NCKAP5: variants seen among roughly 807,000 people sequenced by gnomAD.
NCKAP5 encodes the protein NCK associated protein 5, also known as nck-associated protein 5.
In NCKAP5, 92 loss-of-function variants were observed where a neutral mutation model predicts 167.0. That is an observed-to-expected ratio of 0.55 (90% CI 0.47 to 0.66). The LOEUF is 0.66. Among genes scored for constraint, NCKAP5 ranks in the 30% least tolerant of loss-of-function variants. The pLI, the probability that NCKAP5 is intolerant of heterozygous loss-of-function variation, is 0.00. For synonymous variants in NCKAP5, 891 were observed against 877.4 expected (o/e 1.02, Z -0.27); for missense variants, 2,378 against 2,315.0 (o/e 1.03, Z -0.56).
At chr2:133,546,392 C>T (rs1686679205) in intron 2 of NCKAP5, among the ~76,000 whole-genome samples, 1 of 152,214 alleles carries the variant, frequency 6.6e-6, no homozygotes, top group Non-Finnish European at 1.5e-5. Flanking sequence ...TCCACAATGA[C>T]TGCCTCTGTG....
chr2:133,385,509 T>A lies in NCKAP5; in HGVS notation c.70-82399A>T, dbSNP rs57249109. On this transcript the variant is annotated intron_variant, in intron 3 of 19. Coordinates refer to ENST00000409261, the MANE Select transcript of NCKAP5 (RefSeq NM_207363.3). ...TCAGGGATATTGGTCTAAAATTCTC[T>A]TTTTTTGTTGTGTCTCTGCCAGGCC... 4.6e-3 allele frequency among the ~76,000 whole-genome samples: 695 copies of A among 152,184 alleles called. 12 individuals carry two copies. The highest frequency in any genetic ancestry group is 0.016 in the African/African-American group (663 of 41,508).
At chr2:133,320,747 G>GA (rs911510696) in intron 3 of NCKAP5, among the ~76,000 whole-genome samples, 1 of 151,800 alleles carries the variant, frequency 6.6e-6, no homozygotes. Flanking sequence ...CAAAAAAAAA[G>GA]AAAAGAAAAA....
At chr2:133,605,880 A>G in the NCKAP5 span, among the ~76,000 whole-genome samples, 3 of 152,202 alleles carry the variant, frequency 2.0e-5, no homozygotes, top group Admixed American at 6.5e-5. Flanking sequence ...CAAGAGGAAA[A>G]GGGGGGCAGG....
chr2:133,046,228 T>A (rs1573856527), intron 6 of NCKAP5, among the ~76,000 whole-genome samples: 1 of 152,212 alleles, frequency 6.6e-6, no homozygotes. Flanking sequence ...TCATACAACA[T>A]GCACAGAAAT....
At chr2:132,695,051 GA>G (rs1326955072) in intron 19 of NCKAP5, among the ~76,000 whole-genome samples, 2 of 152,160 alleles carry the variant, frequency 1.3e-5, no homozygotes, top group Admixed American at 1.3e-4. Flanking sequence ...AGGAAGGAGT[GA>G]ATGAGCTCTC....
At chr2:132,734,717 G>A (rs1691341656) in intron 16 of NCKAP5, among the ~76,000 whole-genome samples, 1 of 152,010 alleles carries the variant, frequency 6.6e-6, no homozygotes, top group Non-Finnish European at 1.5e-5. Flanking sequence ...TAGAAATGAG[G>A]AATCACAGCT....
intron 8 of NCKAP5, among the ~76,000 whole-genome samples, chr2:132,914,070 C>A (rs1225040301): frequency 2.0e-5 from 3 of 152,088 alleles, no homozygotes; most frequent in Admixed American, 2.0e-4. Flanking sequence ...GCCTTAATTG[C>A]CTTTTTCTTG....
chr2:133,377,975 G>A (rs901681112), intron 3 of NCKAP5, among the ~76,000 whole-genome samples: 1 of 152,166 alleles, frequency 6.6e-6, no homozygotes, highest in Non-Finnish European at 1.5e-5. Flanking sequence ...AGTCACAAGC[G>A]AGGACAAACT....
At chr2:132,895,202 G>A (rs924949792) in intron 8 of NCKAP5, among the ~76,000 whole-genome samples, 7 of 151,774 alleles carry the variant, frequency 4.6e-5, no homozygotes, top group Non-Finnish European at 7.4e-5. Flanking sequence ...GTGGTGGCGG[G>A]CGCCTGTAGT....
intron 5 of NCKAP5, among the ~76,000 whole-genome samples, chr2:133,201,733 TATC>T (rs1219944613): frequency 6.6e-6 from 1 of 152,082 alleles, no homozygotes; most frequent in African/African-American, 2.4e-5. Flanking sequence ...GGAAAGAAAG[TATC>T]ATGCTTCATG....
chr2:132,851,663 C>T (rs963292622), intron 11 of NCKAP5, among the ~76,000 whole-genome samples: 3 of 152,194 alleles, frequency 2.0e-5, no homozygotes, highest in African/African-American at 7.2e-5. Context: ...TCTACCCTCC[C>T]CTCCCTTCCT....
At chr2:133,443,782 A>C (rs1024583458) in intron 3 of NCKAP5, among the ~76,000 whole-genome samples, 1 of 152,136 alleles carries the variant, frequency 6.6e-6, no homozygotes, top group Non-Finnish European at 1.5e-5. Context: ...GGAAAGGATG[A>C]GTAGAGGGAC....
rs149805270 is a variant in NCKAP5 at position 133,275,260 on chromosome 2, T to A, written c.143+27777A>T. On this transcript the variant is annotated intron_variant, in intron 4 of 19. Transcript: ENST00000409261. ...AATATAATTCTTATTACACTATGTG[T>A]TGGTGAGGATGTGTAGAAAGACCTC... is the stretch of plus-strand genomic sequence containing the variant. Among the ~76,000 whole-genome samples, 48 of 152,200 alleles carry A rather than the reference T, an allele frequency of 3.2e-4. No individual in the cohort carries two copies. In the East Asian group the frequency reaches 9.1e-3, roughly 29 times the overall value.
At chr2:133,075,492 T>C (rs1175428754) in intron 6 of NCKAP5, among the ~76,000 whole-genome samples, 1 of 152,178 alleles carries the variant, frequency 6.6e-6, no homozygotes, top group South Asian at 2.1e-4. Flanking sequence ...TATGCTTGAC[T>C]GTTGAAAGCA....
intron 19 of NCKAP5, among the ~76,000 whole-genome samples, chr2:132,680,884 T>C (rs1170160583): frequency 6.6e-6 from 1 of 152,214 alleles, no homozygotes; most frequent in Non-Finnish European, 1.5e-5. Flanking sequence ...TCATTTCCAA[T>C]GCCCATTTGA....
At chr2:133,210,969 G>A (rs6720871) in intron 5 of NCKAP5, among the ~76,000 whole-genome samples, 60,386 of 148,948 alleles carry the variant, frequency 0.41, 13,868 homozygotes, top group Non-Finnish European at 0.51. Flanking sequence ...GAGACCTTGA[G>A]GGTGCACCCA....
chr2:132,949,937 T>C (rs1450719700), intron 8 of NCKAP5, among the ~76,000 whole-genome samples: 1 of 151,968 alleles, frequency 6.6e-6, no homozygotes, highest in Admixed American at 6.6e-5. Context: ...CTACCAAAAA[T>C]ACAAAAATTA....
intron 15 of NCKAP5, among the ~76,000 whole-genome samples, chr2:132,777,645 G>A (rs988991105): frequency 6.6e-5 from 10 of 152,178 alleles, no homozygotes; most frequent in Middle Eastern, 3.4e-3. Flanking sequence ...CTTTGCAGGC[G>A]GAGGGCAAAA....
At chr2:133,647,372 A>AAGGAAGG in the NCKAP5 span, among the ~76,000 whole-genome samples, 3 of 78,204 alleles carry the variant, frequency 3.8e-5, no homozygotes, top group Non-Finnish European at 7.5e-5. Context: ...AGGAAGGAAG[A>AAGGAAGG]AAGAAAGGAA....
Sources: gnomAD v4.1 joint callset for allele counts (sites outside exome capture counted in the v4.1 genomes callset) on GRCh38, gnomAD v4.1.1 for gene constraint, MANE v1.5 for transcripts, NCBI Gene and HGNC (gene_info 2026-07-23, HGNC 2026-07-21) for gene names.